Variants in SHANK1 observed in about 807,000 individuals in gnomAD.
SHANK1 encodes SH3 and multiple ankyrin repeat domains protein 1.
SHANK1 carries 35 observed loss-of-function variants against 165.6 expected under a neutral mutation model. The observed-to-expected ratio is 0.21, with a 90% CI of 0.16 to 0.28. The LOEUF is 0.28. Among genes scored for constraint, SHANK1 ranks in the 10% least tolerant of loss-of-function variants. The pLI is 1.00. For synonymous variants in SHANK1, 1,428 were observed against 1,384.8 expected (o/e 1.03, Z -0.69); for missense variants, 2,681 against 3,036.4 (o/e 0.88, Z 2.75).
Position 50,660,690 on chromosome 19 carries a change from G to A in SHANK1, c.*1275C>T, listed in dbSNP as rs1465006796. Among the ~76,000 whole-genome samples the A allele has an allele frequency of 7.9e-6, 1 of 125,970 alleles. No individual in the cohort carries two copies. Among genetic ancestry groups the A allele is most frequent in the East Asian group, 2.7e-4 (1 of 3,688 alleles). The allele number at this position is 125,970 out of a possible 152,430, so 82.6% of individuals were successfully genotyped here. On this transcript the variant is annotated 3_prime_UTR_variant, in exon 24 of 24. Coordinates refer to ENST00000293441, the MANE Select transcript of SHANK1 (RefSeq NM_016148.5). Reference sequence around the variant, plus strand: ...TGCGCAAGAACATTATTAAAGGGGAGAAACAAGGCTTCCGGAGAGCACTGA... The same window carrying A: ...TGCGCAAGAACATTATTAAAGGGGAAAAACAAGGCTTCCGGAGAGCACTGA...
Position 50,667,730 on chromosome 19 carries a change from G to A in SHANK1, c.4230C>T (p.Ala1410=). 2 of 1,331,396 alleles carry A rather than the reference G, an allele frequency of 1.5e-6. No individual in the cohort carries two copies. Among genetic ancestry groups the A allele is most frequent in the Non-Finnish European group, 1.9e-6 (2 of 1,046,922 alleles). 82.5% of individuals were successfully genotyped at this position (1,331,396 alleles called of 1,614,324 possible). ...HHEPVLRLWG[A]SPPDPARREL... ...CCCGGCGCGCAGGGTCCGGCGGGGA[G>A]GCCCCCCAGAGACGCAGCACTGGCT... The change falls in exon 23 of 24, where the codon GCC becomes GCT. Residue 1410 remains alanine, a synonymous_variant. Transcript: ENST00000293441. The surrounding 1 kb of genome is among the most constrained non-coding windows in gnomAD (Gnocchi z 5.7).
At position 50,660,118 on chromosome 19, in the gene SHANK1, TGGG is replaced by T. The variant is rs112388773; in HGVS notation, c.*1844_*1846del. 5.3e-4 allele frequency among the ~76,000 whole-genome samples: 75 copies of T among 141,878 alleles called. No homozygotes were observed. The highest frequency in any genetic ancestry group is 5.3e-3 in the Admixed American group (75 of 14,232). 93.1% of individuals were successfully genotyped at this position (141,878 alleles called of 152,430 possible). A position where few individuals can be genotyped will look rare whatever the true frequency, so the allele number is the denominator to read the frequency against. On this transcript the variant is annotated 3_prime_UTR_variant, in exon 24 of 24. Coordinates refer to ENST00000293441, the MANE Select transcript of SHANK1 (RefSeq NM_016148.5). ...AGCTCCCTTCTTTGGCAGCTGAACA[TGGG>T]GGGGGGACCTGAGGGCAACGCCCTC... is the stretch of plus-strand genomic sequence containing the variant.
At chr19:50,683,768 C>T (rs746199896) in intron 21 of SHANK1, among the ~76,000 whole-genome samples, 11 of 152,194 alleles carry the variant, frequency 7.2e-5, no homozygotes, top group African/African-American at 1.7e-4. Flanking sequence ...CTCTGCTTTG[C>T]GCCTGTCCAA....
intron 21 of SHANK1, among the ~76,000 whole-genome samples, chr19:50,684,351 G>A (rs943939498): frequency 6.6e-6 from 1 of 152,020 alleles, no homozygotes; most frequent in African/African-American, 2.4e-5. Flanking sequence ...TCAGCCTCCT[G>A]AGTAGCTGGG....
At position 50,667,055 on chromosome 19, in the gene SHANK1, G is replaced by T; in HGVS notation, c.4905C>A (p.Thr1635=). 1 of 1,551,342 alleles carries T rather than the reference G, an allele frequency of 6.4e-7. No individual in the cohort carries two copies. Among genetic ancestry groups the T allele is most frequent in the East Asian group, 2.3e-5 (1 of 43,338 alleles). Residue 1635 remains threonine, a synonymous_variant, in exon 23 of 24, where the codon ACC becomes ACA. Transcript: ENST00000293441. This position sits in a 1 kb window ranked among gnomAD's most constrained non-coding sequence, Gnocchi z 5.7. The part of the protein sequence containing the change: ...TSYDSEVATL[T]QGASAAPGDP... Reference sequence around the variant, plus strand: ...CCCCAGGAGCGGCGGAGGCCCCCTGGGTCAGGGTGGCCACCTCGCTGTCAT... The same window carrying T: ...CCCCAGGAGCGGCGGAGGCCCCCTGTGTCAGGGTGGCCACCTCGCTGTCAT...
chr19:50,697,015 G>T lies in SHANK1; in HGVS notation c.1964+81C>A. On this transcript the variant is annotated intron_variant, in intron 15 of 23. Transcript: ENST00000293441. The surrounding 1 kb of genome is among the most constrained non-coding windows in gnomAD (Gnocchi z 4.7). ...ACACCAAGAAACCTCAGCTCTGGTC[G>T]TGCACACACGTTCACACGCCCCCCA... The T allele has an allele frequency of 8.6e-7, 1 of 1,157,090 alleles. No individual in the cohort carries two copies. Among genetic ancestry groups the T allele is most frequent in the Non-Finnish European group, 1.3e-6 (1 of 765,724 alleles). 71.7% of individuals were successfully genotyped at this position (1,157,090 alleles called of 1,614,324 possible).
At chr19:50,700,068 A>C (rs77005253) in intron 12 of SHANK1, among the ~76,000 whole-genome samples, 1 of 11,586 alleles carries the variant, frequency 8.6e-5, no homozygotes, top group Admixed American at 7.6e-4. Flanking sequence ...TGGAAGGCTC[A>C]GGGCATTGGA....
chr19:50,687,450 G>C (rs1030925317), intron 19 of SHANK1, 132 bp downstream of exon 19: 1 of 667,040 alleles, frequency 1.5e-6, no homozygotes, highest in East Asian at 3.0e-5. Flanking sequence ...GCCAGAGTCC[G>C]ACCCATGGAC....
At position 50,690,026 on chromosome 19, in the gene SHANK1, C is replaced by A. The variant is rs1986493243; in HGVS notation, c.1965-747G>T. 1.3e-5 allele frequency among the ~76,000 whole-genome samples: 2 copies of A among 152,124 alleles called. No homozygotes were observed. Among genetic ancestry groups the A allele is most frequent in the South Asian group, 4.1e-4 (2 of 4,826 alleles). On this transcript the variant is annotated intron_variant, in intron 15 of 23. Coordinates refer to ENST00000293441, the MANE Select transcript of SHANK1 (RefSeq NM_016148.5). This position sits in a 1 kb window ranked among gnomAD's most constrained non-coding sequence, Gnocchi z 4.9. ...TCCTCAGTCACAGTGGCCATATTTC[C>A]AAGTGTGCAGAAGCTGCACATGGCT... is the stretch of plus-strand genomic sequence containing the variant.
intron 15 of SHANK1, among the ~76,000 whole-genome samples, chr19:50,696,511 G>C (rs1368454291): frequency 6.6e-6 from 1 of 151,872 alleles, no homozygotes; most frequent in African/African-American, 2.4e-5. Flanking sequence ...ACTCTTCCCT[G>C]GATTGGGGGG....
chr19:50,716,631 C>T lies in SHANK1; in HGVS notation c.255+34G>A. 27 of 1,551,382 alleles carry T rather than the reference C, an allele frequency of 1.7e-5. No homozygotes were observed. Among genetic ancestry groups the T allele is most frequent in the Non-Finnish European group, 2.4e-5 (27 of 1,146,152 alleles). On this transcript the variant is annotated intron_variant, in intron 2 of 23. Coordinates refer to ENST00000293441, the MANE Select transcript of SHANK1 (RefSeq NM_016148.5). This position sits in a 1 kb window ranked among gnomAD's most constrained non-coding sequence, Gnocchi z 8.4. ...CCCCATGTCGGTTGGGGCACTGTCC[C>T]TCTCCTGCCGCTGGCCAGTGGGCAG... is the stretch of plus-strand genomic sequence containing the variant.
Position 50,703,489 on chromosome 19 carries a change from G to A in SHANK1, c.1553+11C>T, listed in dbSNP as rs972186062. ...GGCTGGGGACTGTGGAGCCAGGGCT[G>A]CCTCCCCTACCTGGGCCGGCCTCGG... On this transcript the variant is annotated intron_variant, in intron 11 of 23. Coordinates refer to ENST00000293441, the MANE Select transcript of SHANK1 (RefSeq NM_016148.5). The A allele has an allele frequency of 6.5e-7, 1 of 1,534,000 alleles. No homozygotes were observed. Among genetic ancestry groups the A allele is most frequent in the Non-Finnish European group, 8.7e-7 (1 of 1,145,276 alleles).
chr19:50,672,811 A>C (rs1985847043), intron 21 of SHANK1, among the ~76,000 whole-genome samples: 1 of 151,958 alleles, frequency 6.6e-6, no homozygotes, highest in Non-Finnish European at 1.5e-5. Flanking sequence ...TGTTTTCCAC[A>C]CAAGAGTCAG....
At chr19:50,665,641 C>A (rs1377427248) in intron 23 of SHANK1, among the ~76,000 whole-genome samples, 1 of 146,934 alleles carries the variant, frequency 6.8e-6, no homozygotes, top group East Asian at 2.0e-4. Flanking sequence ...CACCTATAGT[C>A]CCAGAGGATT....
intron 12 of SHANK1, among the ~76,000 whole-genome samples, chr19:50,700,148 G>A (rs1195011823): frequency 4.3e-5 from 6 of 138,756 alleles, no homozygotes; most frequent in Non-Finnish European, 7.8e-5. Flanking sequence ...GGCTCGGGTT[G>A]GAAGGCTCGG....
Position 50,716,211 on chromosome 19 carries a change from T to TGG in SHANK1, c.459+62_459+63dup. The TGG allele has an allele frequency of 6.8e-7, 1 of 1,477,928 alleles. No individual in the cohort carries two copies. The highest frequency in any genetic ancestry group is 9.4e-7 in the Non-Finnish European group (1 of 1,061,154). 91.6% of individuals were successfully genotyped at this position (1,477,928 alleles called of 1,614,324 possible). On this transcript the variant is annotated intron_variant, in intron 3 of 23. Transcript: ENST00000293441. This position sits in a 1 kb window ranked among gnomAD's most constrained non-coding sequence, Gnocchi z 8.4. ...GGTTTCGAGTGTGTTAAAAAGTGGG[T>TGG]GGGGGGCAGATGTGTTTTAGGGCAT...
intron 8 of SHANK1, among the ~76,000 whole-genome samples, chr19:50,708,284 C>A (rs1253557815): frequency 6.6e-6 from 1 of 152,128 alleles, no homozygotes; most frequent in African/African-American, 2.4e-5. Context: ...ACACTGGGGG[C>A]ACAGGGCCAG....
chr19:50,715,062 T>C (rs983812396), intron 4 of SHANK1, among the ~76,000 whole-genome samples: 1 of 151,876 alleles, frequency 6.6e-6, no homozygotes, highest in East Asian at 1.9e-4. Flanking sequence ...ACTGGGAGTT[T>C]TTCCTTCTCA....
At chr19:50,675,245 G>GTGTA (rs1251277086) in intron 21 of SHANK1, among the ~76,000 whole-genome samples, 1 of 152,022 alleles carries the variant, frequency 6.6e-6, no homozygotes, top group East Asian at 1.9e-4. Flanking sequence ...TAAAGAAACA[G>GTGTA]ACCAACCAAA....
Sources: allele counts gnomAD v4.1 joint callset (sites outside exome capture counted in the v4.1 genomes callset), GRCh38; gene constraint gnomAD v4.1.1; non-coding constraint Gnocchi (gnomAD v3.1); transcripts MANE v1.5; gene names NCBI Gene and HGNC (gene_info 2026-07-23, HGNC 2026-07-21).